The following SMARCAL1 variants were observed in gnomAD, a reference collection of about 807,000 sequenced individuals.
The protein encoded by SMARCAL1 is ATP-driven annealing helicase.
A neutral mutation model predicts 94.5 loss-of-function variants in SMARCAL1; 58 were observed. The observed-to-expected ratio is 0.61, with a 90% CI of 0.50 to 0.76. The LOEUF (loss-of-function observed/expected upper bound fraction) is 0.76. Ranked by LOEUF, SMARCAL1 falls within the 30% of genes least tolerant of loss-of-function variation. The probability of loss-of-function intolerance (pLI) is 0.00; values close to 1 mark genes in which losing one functional copy is unlikely to be tolerated. For synonymous variants in SMARCAL1, 422 were observed against 455.1 expected, an observed-to-expected ratio of 0.93 and a Z score of 0.93; for missense variants, 1,051 against 1,177.9, an observed-to-expected ratio of 0.89 and a Z score of 1.58.
intron 10 of SMARCAL1, among the ~76,000 whole-genome samples, chr2:216,445,055 G>A (rs762171046): frequency 9.9e-5 from 15 of 152,064 alleles, no homozygotes; most frequent in Non-Finnish European, 1.5e-4. Context: ...TTCTATCTTC[G>A]ATTTCTTGGG....
intron 12 of SMARCAL1, chr2:216,451,547 C>T (rs73072272): frequency 1.9e-3 from 341 of 182,460 alleles, no homozygotes; most frequent in African/African-American, 7.8e-3. Flanking sequence ...CCTTTTAAAT[C>T]CCTATTACAG....
Position 216,477,140 on chromosome 2 carries a change from G to T in SMARCAL1, c.2459G>T (p.Arg820Leu). The T allele has an allele frequency of 1.3e-6, 2 of 1,591,804 alleles. No homozygotes were observed. The highest frequency in any genetic ancestry group is 1.1e-5 in the South Asian group (1 of 87,156). Residue 820 changes from arginine to leucine, a missense_variant, in exon 16 of 18, where the codon CGC becomes CTC. Physicochemically the swap from Arg to Leu is moderately radical, Grantham distance 102 (BLOSUM62 -2). This residue lies in a region of SMARCAL1 where 642 missense variants were observed against 754.7 expected (regional missense o/e 0.85). Transcript: ENST00000357276. The stretch of plus-strand genomic sequence containing the variant: ...ATCCAGGCTGAGGACCGCGTGCACC[G>T]CATTGGACAGACCAGCTCCGTGGGC... The part of the protein sequence containing the change: ...VLIQAEDRVH[R>L]IGQTSSVGIH...
At chr2:216,474,128 C>CTTTTTTTTTTTTTTTTTTTTTTTTT (rs1182416023) in intron 14 of SMARCAL1, among the ~76,000 whole-genome samples, 1 of 64,894 alleles carries the variant, frequency 1.5e-5, no homozygotes, top group African/African-American at 5.8e-5. Context: ...GTATAGCATT[C>CTTTTTTTTTTTTTTTTTTTTTTTTT]TTTTTTTTTT....
intron 12 of SMARCAL1, among the ~76,000 whole-genome samples, chr2:216,458,634 C>T (rs1195389336): frequency 1.3e-5 from 2 of 152,012 alleles, no homozygotes; most frequent in Non-Finnish European, 1.5e-5. Flanking sequence ...ATTTAACAGC[C>T]CTTCATGCTA....
At chr2:216,448,321 C>T (rs284552) in intron 11 of SMARCAL1, among the ~76,000 whole-genome samples, 12,997 of 152,170 alleles carry the variant, frequency 0.085, 1,415 homozygotes, top group African/African-American at 0.25. Context: ...CTGTCCTATT[C>T]GCAAACAGTC....
rs563184038 is a variant in SMARCAL1 at position 216,439,044 on chromosome 2, G to C, written c.1710+559G>C. On this transcript the variant is annotated intron_variant, in intron 10 of 17. Coordinates refer to ENST00000357276, the MANE Select transcript of SMARCAL1 (RefSeq NM_014140.4). The stretch of plus-strand genomic sequence containing the variant: ...AAAGCTAAGATGGGCCTTAAAAGCT[G>C]ATACTGTTTTCTGTGGCTACCCTGA... 1.2e-4 allele frequency among the ~76,000 whole-genome samples: 19 copies of C among 152,276 alleles called. No individual in the cohort carries two copies. The South Asian group carries it at 3.9e-3, about 32-fold the overall frequency.
chr2:216,418,818 A>G (rs1441837654), intron 4 of SMARCAL1, among the ~76,000 whole-genome samples: 4 of 152,168 alleles, frequency 2.6e-5, no homozygotes, highest in Non-Finnish European at 5.9e-5. Flanking sequence ...ACTTTACTGA[A>G]TGTTAACAGT....
At chr2:216,414,506 C>T in intron 2 of SMARCAL1, 141 bp from the exon 3 acceptor site, 1 of 600,708 alleles carries the variant, frequency 1.7e-6, no homozygotes, top group African/African-American at 1.9e-5. Context: ...AGTGTGTGTG[C>T]AATTATAAAA....
intron 5 of SMARCAL1, among the ~76,000 whole-genome samples, chr2:216,420,963 G>A (rs1349052927): frequency 6.6e-6 from 1 of 152,200 alleles, no homozygotes; most frequent in Non-Finnish European, 1.5e-5. Flanking sequence ...GCAGCTAGCT[G>A]GGCCCCACTA....
chr2:216,470,666 T>C (rs1694944612), intron 14 of SMARCAL1, among the ~76,000 whole-genome samples: 1 of 151,828 alleles, frequency 6.6e-6, no homozygotes, highest in Non-Finnish European at 1.5e-5. Flanking sequence ...TTTTAAATTT[T>C]TCTGTAGAGA....
chr2:216,465,236 C>T (rs1029582108), intron 13 of SMARCAL1, among the ~76,000 whole-genome samples: 7 of 152,214 alleles, frequency 4.6e-5, no homozygotes, highest in African/African-American at 1.7e-4. Flanking sequence ...GGAGCGACTA[C>T]TAGGATGTAC....
At chr2:216,430,013 C>G (rs1477235000) in intron 7 of SMARCAL1, among the ~76,000 whole-genome samples, 1 of 152,144 alleles carries the variant, frequency 6.6e-6, no homozygotes, top group African/African-American at 2.4e-5. Flanking sequence ...AGCCCCACCC[C>G]CTGGGCAGCC....
Position 216,444,698 on chromosome 2 carries a change from G to T in SMARCAL1, c.1711-2320G>T, listed in dbSNP as rs1293275410. ...GCACCTGGCTAATTTTGTATTTTTA[G>T]TAGAGGCAGGGTTTCACCATGTTGG... On this transcript the variant is annotated intron_variant, in intron 10 of 17. Coordinates refer to ENST00000357276, the MANE Select transcript of SMARCAL1 (RefSeq NM_014140.4). 2.6e-5 allele frequency among the ~76,000 whole-genome samples: 4 copies of T among 152,120 alleles called. No homozygotes were observed. In the East Asian group the frequency reaches 5.8e-4, roughly 22 times the overall value.
intron 9 of SMARCAL1, among the ~76,000 whole-genome samples, chr2:216,436,590 A>C (rs991980092): frequency 6.6e-6 from 1 of 152,252 alleles, no homozygotes; most frequent in Non-Finnish European, 1.5e-5. Context: ...GATATAGGTA[A>C]TGAGTCTTTG....
intron 14 of SMARCAL1, among the ~76,000 whole-genome samples, chr2:216,470,228 A>C (rs1439865905): frequency 2.0e-5 from 3 of 152,016 alleles, no homozygotes; most frequent in Non-Finnish European, 2.9e-5. Flanking sequence ...TTAGCTCACT[A>C]TAGCCTCCGC....
intron 12 of SMARCAL1, among the ~76,000 whole-genome samples, chr2:216,460,614 C>T (rs1009851052): frequency 1.5e-4 from 22 of 144,338 alleles, no homozygotes; most frequent in Non-Finnish European, 3.3e-4. Context: ...CATGTTCTCA[C>T]TCATAGGTGG....
chr2:216,482,752 G>T lies in SMARCAL1; in HGVS notation c.2640G>T (p.Gln880His). 1.2e-6 allele frequency: 2 copies of T among 1,614,198 alleles called. No homozygotes were observed. Among genetic ancestry groups the T allele is most frequent in the Non-Finnish European group, 1.7e-6 (2 of 1,180,020 alleles). Residue 880 changes from glutamine to histidine, a missense_variant, in exon 18 of 18, where the codon CAG (glutamine) becomes CAT (histidine). Coordinates refer to ENST00000357276, the MANE Select transcript of SMARCAL1 (RefSeq NM_014140.4). This position sits in a 1 kb window ranked among gnomAD's most constrained non-coding sequence, Gnocchi z 4.3. The stretch of plus-strand genomic sequence containing the variant: ...CTCTGATGAAGGACCCAAAGCAGCA[G>T]AAGATCTACGACCTATTCCAGAAGT... The part of the protein sequence containing the change: ...TDYLYKDPKQ[Q>H]KIYDLFQKSF...
chr2:216,437,081 T>G (rs979382247), intron 9 of SMARCAL1, among the ~76,000 whole-genome samples: 4 of 152,262 alleles, frequency 2.6e-5, no homozygotes, highest in Admixed American at 2.0e-4. Context: ...AGAAATGTTG[T>G]AAGAAAGAAT....
intron 8 of SMARCAL1, 134 bp from the exon 9 acceptor site, chr2:216,435,204 A>T: frequency 2.2e-6 from 2 of 899,328 alleles, no homozygotes; most frequent in South Asian, 3.1e-5. Flanking sequence ...TGTTAGTGGC[A>T]AGTGAAGGGG....
Sources: allele counts gnomAD v4.1 joint callset (sites outside exome capture counted in the v4.1 genomes callset), GRCh38; gene constraint gnomAD v4.1.1; regional missense constraint gnomAD v4.1.1; non-coding constraint Gnocchi (gnomAD v3.1); transcripts MANE v1.5; gene names NCBI Gene and HGNC (gene_info 2026-07-23, HGNC 2026-07-21).